ADAM18: variants seen among roughly 807,000 people sequenced by gnomAD.
ADAM18 encodes disintegrin and metalloproteinase domain-containing protein 18.
ADAM18 carries 117 observed loss-of-function variants against 94.4 expected under a neutral mutation model. The ratio of observed to expected loss-of-function variants is 1.24; its 90% confidence interval spans 1.07 to 1.45. The LOEUF (loss-of-function observed/expected upper bound fraction) is 1.45. Among genes scored for constraint, ADAM18 ranks in the 40% most tolerant of loss-of-function variants. The probability of loss-of-function intolerance (pLI) is 0.00; values close to 1 mark genes in which losing one functional copy is unlikely to be tolerated. For synonymous variants in ADAM18, 327 were observed against 291.6 expected (o/e 1.12, Z -1.24); for missense variants, 936 against 880.0 (o/e 1.06, Z -0.81).
At position 39,656,837 on chromosome 8, in the gene ADAM18, T is replaced by C. The variant is rs113168841; in HGVS notation, c.1231-6958T>C. On this transcript the variant is annotated intron_variant, in intron 12 of 19. Transcript: ENST00000265707. ...TGAATCGATGCTCAGCATCCCAAAA[T>C]GCAGATCAAAAGCATAATTTGAAAA... Among the ~76,000 whole-genome samples the C allele has an allele frequency of 7.2e-3, 1,095 of 152,198 alleles. 5 individuals carry two copies. The highest frequency in any genetic ancestry group is 0.012 in the Non-Finnish European group (828 of 68,004).
At position 39,592,765 on chromosome 8, in the gene ADAM18, C is replaced by T. The variant is rs537536853; in HGVS notation, c.132+7413C>T. Among the ~76,000 whole-genome samples the T allele has an allele frequency of 9.9e-5, 15 of 152,260 alleles. No homozygotes were observed. In the South Asian group the frequency reaches 2.5e-3, roughly 25 times the overall value. On this transcript the variant is annotated intron_variant, in intron 2 of 19. Transcript: ENST00000265707. ...AGTGATGGGTACACTAGAAGCCCAACCCCCAGCATCATGCATGTAATTCCC... is the reference window on the plus strand; with the variant it reads ...AGTGATGGGTACACTAGAAGCCCAATCCCCAGCATCATGCATGTAATTCCC...
chr8:39,727,295 G>C (rs1225888579), intron 19 of ADAM18, among the ~76,000 whole-genome samples: 1 of 152,142 alleles, frequency 6.6e-6, no homozygotes, highest in Non-Finnish European at 1.5e-5. Context: ...CAGCCTACTT[G>C]AATTCCTCTC....
intron 18 of ADAM18, among the ~76,000 whole-genome samples, chr8:39,713,256 G>T (rs1822469913): frequency 6.6e-6 from 1 of 152,112 alleles, no homozygotes; most frequent in Non-Finnish European, 1.5e-5. Flanking sequence ...ACTGAAACTG[G>T]ATCCCTTCCT....
At chr8:39,650,399 T>G (rs1326079411) in intron 12 of ADAM18, among the ~76,000 whole-genome samples, 1 of 152,204 alleles carries the variant, frequency 6.6e-6, no homozygotes, top group Non-Finnish European at 1.5e-5. Context: ...TAGAAAACCC[T>G]AGTGTCCAAC....
intron 16 of ADAM18, among the ~76,000 whole-genome samples, chr8:39,681,763 GAA>G (rs1454285202): frequency 2.0e-5 from 3 of 152,138 alleles, no homozygotes; most frequent in Non-Finnish European, 4.4e-5. Flanking sequence ...GTATATTATT[GAA>G]AACTGGAGGA....
chr8:39,620,375 C>CAAAAAAAAAAAAAAAAAAAAAAAAAAACA (rs376218269), intron 6 of ADAM18, among the ~76,000 whole-genome samples: 1 of 88,796 alleles, frequency 1.1e-5, no homozygotes, highest in African/African-American at 5.1e-5. Context: ...AAAAAAAAAA[C>CAAAAAAAAAAAAAAAAAAAAAAAAAAACA]AAAAAAAAAT....
intron 15 of ADAM18, among the ~76,000 whole-genome samples, chr8:39,678,745 T>TA (rs1159280878): frequency 2.0e-5 from 3 of 152,188 alleles, no homozygotes; most frequent in African/African-American, 7.2e-5. Flanking sequence ...TTGTGAAAGT[T>TA]AGCAAACATG....
chr8:39,638,246 T>C (rs529108914), intron 9 of ADAM18, among the ~76,000 whole-genome samples: 1 of 145,960 alleles, frequency 6.9e-6, no homozygotes, highest in African/African-American at 2.4e-5. Flanking sequence ...GGAAATTACA[T>C]TGGTATTAAA....
intron 13 of ADAM18, among the ~76,000 whole-genome samples, chr8:39,666,915 GTT>G (rs751288674): frequency 4.3e-4 from 65 of 151,164 alleles, no homozygotes; most frequent in African/African-American, 6.3e-4. Flanking sequence ...TTGTGTGTGT[GTT>G]TGTGTGCATG....
chr8:39,714,573 A>C (rs1822515245), intron 18 of ADAM18, among the ~76,000 whole-genome samples: 2 of 152,118 alleles, frequency 1.3e-5, no homozygotes, highest in Non-Finnish European at 2.9e-5. Context: ...AAATTGGAGA[A>C]AGATCTTTGT....
intron 18 of ADAM18, among the ~76,000 whole-genome samples, chr8:39,709,528 C>T (rs1229007936): frequency 2.0e-5 from 3 of 152,140 alleles, no homozygotes; most frequent in African/African-American, 7.2e-5. Context: ...TAGTTGGGGA[C>T]CTGCCTTTTT....
chr8:39,596,514 A>G (rs928183719), intron 2 of ADAM18, among the ~76,000 whole-genome samples: 1 of 152,140 alleles, frequency 6.6e-6, no homozygotes, highest in Admixed American at 6.5e-5. Context: ...TTGATAGTTC[A>G]TTTCTATCAC....
At chr8:39,590,597 T>C (rs893600075) in intron 2 of ADAM18, among the ~76,000 whole-genome samples, 6 of 152,068 alleles carry the variant, frequency 3.9e-5, no homozygotes, top group African/African-American at 1.2e-4. Flanking sequence ...AAAAATAAAA[T>C]AAAATAAAAA....
intron 12 of ADAM18, among the ~76,000 whole-genome samples, chr8:39,663,425 CAAAAAAA>C (rs374386277): frequency 1.9e-5 from 2 of 102,826 alleles, no homozygotes; most frequent in African/African-American, 4.3e-5. Context: ...CTAGTCTTTA[CAAAAAAA>C]AAAAAAAAAG....
intron 17 of ADAM18, among the ~76,000 whole-genome samples, chr8:39,701,413 C>T (rs1822075619): frequency 6.6e-6 from 1 of 151,660 alleles, no homozygotes; most frequent in South Asian, 2.1e-4. Flanking sequence ...ATTATATGCT[C>T]TTTATTTCTT....
At chr8:39,708,423 T>C (rs1410908528) in intron 18 of ADAM18, among the ~76,000 whole-genome samples, 1 of 152,204 alleles carries the variant, frequency 6.6e-6, no homozygotes. Flanking sequence ...ACAAACTCTG[T>C]AGGCTGTTAA....
At chr8:39,585,757 C>T (rs1818377504) in intron 2 of ADAM18, among the ~76,000 whole-genome samples, 1 of 151,980 alleles carries the variant, frequency 6.6e-6, no homozygotes, top group African/African-American at 2.4e-5. Flanking sequence ...GTCTTAATAG[C>T]ACGTAATGTA....
intron 18 of ADAM18, 121 bp downstream of exon 18, chr8:39,707,025 G>GTGGGGGA (rs1822260727): frequency 3.4e-6 from 2 of 588,160 alleles, no homozygotes; most frequent in Non-Finnish European, 6.0e-6. Context: ...CTCCTTATTT[G>GTGGGGGA]TGGGGGATAC....
At chr8:39,697,614 A>G (rs570457145) in intron 17 of ADAM18, among the ~76,000 whole-genome samples, 1 of 151,494 alleles carries the variant, frequency 6.6e-6, no homozygotes, top group Admixed American at 6.6e-5. Flanking sequence ...TCATATATTT[A>G]CTCTTTCTAT....
Sources: allele counts gnomAD v4.1 joint callset (sites outside exome capture counted in the v4.1 genomes callset), GRCh38; gene constraint gnomAD v4.1.1; transcripts MANE v1.5; gene names NCBI Gene and HGNC (gene_info 2026-07-23, HGNC 2026-07-21).